PLCH1: variants seen among roughly 807,000 people sequenced by gnomAD.
PLCH1 encodes the protein 1-phosphatidylinositol 4,5-bisphosphate phosphodiesterase eta-1.
In PLCH1, 60 loss-of-function variants were observed where a neutral mutation model predicts 126.7. The ratio of observed to expected loss-of-function variants is 0.47; its 90% confidence interval spans 0.38 to 0.59. The LOEUF (loss-of-function observed/expected upper bound fraction) is 0.59. PLCH1 is among the 20% of genes least tolerant of loss of function. The pLI is 0.00. For synonymous variants in PLCH1, 719 were observed against 734.9 expected, an observed-to-expected ratio of 0.98 and a Z score of 0.35; for missense variants, 1,723 against 2,040.0, an observed-to-expected ratio of 0.84 and a Z score of 2.99.
intron 21 of PLCH1, among the ~76,000 whole-genome samples, chr3:155,453,189 C>A (rs1297398164): frequency 6.6e-6 from 1 of 152,076 alleles, no homozygotes; most frequent in Non-Finnish European, 1.5e-5. Context: ...GTGTCAAGAC[C>A]ATGAAAGACA....
chr3:155,512,366 G>C (rs1449638262), intron 12 of PLCH1, among the ~76,000 whole-genome samples: 1 of 152,188 alleles, frequency 6.6e-6, no homozygotes, highest in Non-Finnish European at 1.5e-5. Flanking sequence ...GAGAGATGCA[G>C]ACTCTCTCCC....
intron 1 of PLCH1, chr3:155,743,788 C>A (rs1217163580): frequency 3.7e-6 from 1 of 273,854 alleles, no homozygotes; most frequent in Non-Finnish European, 7.1e-6. Context: ...GTTGTACAAG[C>A]TCTGCTCTTC....
intron 10 of PLCH1, among the ~76,000 whole-genome samples, chr3:155,543,337 G>A (rs1234282174): frequency 2.0e-5 from 3 of 151,800 alleles, no homozygotes; most frequent in Non-Finnish European, 2.9e-5. Flanking sequence ...AAGTTTAGAG[G>A]AAAAAGAATA....
At chr3:155,625,005 A>G (rs371800927) in intron 2 of PLCH1, among the ~76,000 whole-genome samples, 1 of 152,206 alleles carries the variant, frequency 6.6e-6, no homozygotes, top group Admixed American at 6.5e-5. Flanking sequence ...CTGCAAGCCT[A>G]CAGTAACCAA....
At chr3:155,553,971 C>T (rs1726472120) in intron 9 of PLCH1, 105 bp downstream of exon 9, 1 of 993,824 alleles carries the variant, frequency 1.0e-6, no homozygotes, top group Non-Finnish European at 1.5e-6. Flanking sequence ...GCAAAGAGGG[C>T]AGTGTAGAGT....
At chr3:155,608,791 T>A (rs1734703182) in intron 2 of PLCH1, among the ~76,000 whole-genome samples, 1 of 152,150 alleles carries the variant, frequency 6.6e-6, no homozygotes, top group African/African-American at 2.4e-5. Context: ...ACAAAAGACA[T>A]AAAGTCTTGG....
At chr3:155,686,490 A>C (rs533699044) in intron 2 of PLCH1, among the ~76,000 whole-genome samples, 2 of 152,326 alleles carry the variant, frequency 1.3e-5, no homozygotes, top group South Asian at 4.1e-4. Flanking sequence ...AATGAGACCA[A>C]GGAATTTTTG....
chr3:155,481,030 C>T lies in PLCH1; in HGVS notation c.4996G>A (p.Val1666Ile). 6.2e-7 allele frequency: 1 copy of T among 1,611,134 alleles called. No homozygotes were observed. The highest frequency in any genetic ancestry group is 8.5e-7 in the Non-Finnish European group (1 of 1,177,484). Residue 1666 changes from valine (V) to isoleucine (I), a missense_variant, in exon 23 of 23, where the codon GTT (valine) becomes ATT (isoleucine). Val to Ile is a conservative substitution (Grantham distance 29). Around this residue, in one of 2 missense-constraint regions of PLCH1, gnomAD observed 947 missense variants for 977.1 expected, o/e 0.97. Coordinates refer to ENST00000460012, the MANE Select transcript of PLCH1 (RefSeq NM_014996.4). This position sits in a 1 kb window ranked among gnomAD's most constrained non-coding sequence, Gnocchi z 4.2. ...TCACTGCTTGGCTCAGTCTGCAAAA[C>T]AGAATTATCTGAACAAAACTGGTCA... The part of the protein sequence containing the change: ...HVDQFCSDNS[V>I]LQTEPSSDDK...
chr3:155,726,885 T>C (rs571605881), intron 1 of PLCH1, among the ~76,000 whole-genome samples: 116 of 149,754 alleles, frequency 7.7e-4, no homozygotes, highest in African/African-American at 2.6e-3. Flanking sequence ...TTTCTTTTTT[T>C]TTTTTTTTGT....
At chr3:155,548,595 G>A (rs892874308) in intron 10 of PLCH1, among the ~76,000 whole-genome samples, 3 of 152,188 alleles carry the variant, frequency 2.0e-5, no homozygotes, top group Non-Finnish European at 4.4e-5. Context: ...CATCCTGACT[G>A]CTGACTAAAG....
intron 12 of PLCH1, among the ~76,000 whole-genome samples, chr3:155,506,167 G>A (rs1718651935): frequency 6.6e-6 from 1 of 151,852 alleles, no homozygotes; most frequent in South Asian, 2.1e-4. Flanking sequence ...AACCAACCCT[G>A]GGAATAAGTA....
chr3:155,710,636 C>G (rs1341428771), intron 1 of PLCH1, among the ~76,000 whole-genome samples: 2 of 151,962 alleles, frequency 1.3e-5, no homozygotes, highest in Non-Finnish European at 2.9e-5. Flanking sequence ...AGTTTGAGAC[C>G]AGCCTGGTCA....
chr3:155,663,281 A>G (rs1213831321), intron 2 of PLCH1, among the ~76,000 whole-genome samples: 1 of 152,246 alleles, frequency 6.6e-6, no homozygotes, highest in Non-Finnish European at 1.5e-5. Context: ...AAGACAAAAG[A>G]GCAATCTACA....
At chr3:155,732,989 G>A (rs1419779558) in intron 1 of PLCH1, among the ~76,000 whole-genome samples, 3 of 150,864 alleles carry the variant, frequency 2.0e-5, no homozygotes, top group African/African-American at 4.9e-5. Flanking sequence ...AAAAAAATAC[G>A]TAGGAATAAA....
chr3:155,665,837 A>T (rs1742666093), intron 2 of PLCH1, among the ~76,000 whole-genome samples: 2 of 152,240 alleles, frequency 1.3e-5, no homozygotes, highest in Middle Eastern at 3.2e-3. Context: ...ATACTCAAAG[A>T]TAACCAGTAT....
chr3:155,717,845 G>A (rs886824510), intron 1 of PLCH1, among the ~76,000 whole-genome samples: 7 of 152,230 alleles, frequency 4.6e-5, no homozygotes, highest in East Asian at 3.9e-4. Flanking sequence ...AAATATCTCC[G>A]GCAAGGTGTT....
intron 6 of PLCH1, among the ~76,000 whole-genome samples, chr3:155,569,882 G>C (rs1268395328): frequency 1.3e-5 from 2 of 152,160 alleles, no homozygotes; most frequent in Non-Finnish European, 2.9e-5. Context: ...AATTCACTGA[G>C]ATGATGGAGC....
intron 8 of PLCH1, among the ~76,000 whole-genome samples, chr3:155,557,859 C>A (rs1727038530): frequency 6.6e-6 from 1 of 152,080 alleles, no homozygotes; most frequent in Admixed American, 6.6e-5. Context: ...TGATAGCACT[C>A]CCAGAGATAA....
chr3:155,512,660 G>T (rs1003671140), intron 12 of PLCH1, among the ~76,000 whole-genome samples: 1 of 152,294 alleles, frequency 6.6e-6, no homozygotes, highest in South Asian at 2.1e-4. Context: ...GAAAGTGGAG[G>T]TGTGCACGTG....
Sources: allele counts gnomAD v4.1 joint callset (sites outside exome capture counted in the v4.1 genomes callset), GRCh38; gene constraint gnomAD v4.1.1; regional missense constraint gnomAD v4.1.1; non-coding constraint Gnocchi (gnomAD v3.1); transcripts MANE v1.5; gene names NCBI Gene and HGNC (gene_info 2026-07-23, HGNC 2026-07-21).